Variants in SH3BGRL2 observed in about 807,000 individuals in gnomAD.
SH3BGRL2 encodes the protein SH3 domain binding glutamate rich protein like 2.
A neutral mutation model predicts 14.8 loss-of-function variants in SH3BGRL2; 21 were observed. The observed-to-expected ratio is 1.42, with a 90% confidence interval of 1.01 to 2.05. The LOEUF (loss-of-function observed/expected upper bound fraction) is 2.05. SH3BGRL2 is among the 30% of genes most tolerant of loss of function. The probability of loss-of-function intolerance (pLI) is 0.00; values close to 1 mark genes in which losing one functional copy is unlikely to be tolerated. For missense variants in SH3BGRL2, 147 were observed against 130.8 expected (o/e 1.12, Z -0.61); for synonymous variants, 50 against 47.8 (o/e 1.05, Z -0.19).
At chr6:79,667,336 TC>T (rs1161327853) in intron 1 of SH3BGRL2, among the ~76,000 whole-genome samples, 1 of 152,216 alleles carries the variant, frequency 6.6e-6, no homozygotes, top group Non-Finnish European at 1.5e-5. Context: ...CTGTGATTGG[TC>T]CAAGAGTAGG....
upstream of SH3BGRL2, among the ~76,000 whole-genome samples, chr6:79,629,018 C>A (rs1768777248): frequency 6.6e-6 from 1 of 152,148 alleles, no homozygotes; most frequent in Non-Finnish European, 1.5e-5. Context: ...ATGTATTAGG[C>A]TTTGTGGGCC....
At chr6:79,614,871 G>A in the SH3BGRL2 span, among the ~76,000 whole-genome samples, 2 of 152,182 alleles carry the variant, frequency 1.3e-5, no homozygotes, top group Non-Finnish European at 2.9e-5. Context: ...ACACAGAGAA[G>A]AGGAGGGCCA....
the SH3BGRL2 span, among the ~76,000 whole-genome samples, chr6:79,581,366 T>C: frequency 2.0e-3 from 304 of 152,276 alleles, no homozygotes; most frequent in African/African-American, 7.1e-3. Context: ...ATATCCCTGA[T>C]GAACATCAAT....
the SH3BGRL2 span, among the ~76,000 whole-genome samples, chr6:79,586,088 C>T: frequency 2.0e-5 from 3 of 151,262 alleles, no homozygotes; most frequent in East Asian, 1.9e-4. Flanking sequence ...CCCAGCTACT[C>T]GGGAGGCTGA....
At chr6:79,610,609 A>G in the SH3BGRL2 span, among the ~76,000 whole-genome samples, 1 of 152,228 alleles carries the variant, frequency 6.6e-6, no homozygotes, top group African/African-American at 2.4e-5. Context: ...TGAGGATCAA[A>G]TCAAAAGGCT....
intron 2 of SH3BGRL2, among the ~76,000 whole-genome samples, chr6:79,692,182 C>T (rs1311549286): frequency 2.0e-4 from 31 of 152,248 alleles, no homozygotes; most frequent in East Asian, 5.8e-4. Flanking sequence ...TTATATCCTT[C>T]GCCCACTTTT....
At chr6:79,575,127 A>C in the SH3BGRL2 span, 1 of 152,352 alleles carries the variant, frequency 6.6e-6, no homozygotes, top group African/African-American at 2.4e-5. Context: ...ATAACAAAGA[A>C]CTACAGCCAT....
At chr6:79,603,938 G>A in the SH3BGRL2 span, among the ~76,000 whole-genome samples, 4 of 152,178 alleles carry the variant, frequency 2.6e-5, no homozygotes, top group South Asian at 6.2e-4. Context: ...CCAAGCAGCT[G>A]GGATTACAGG....
the SH3BGRL2 span, among the ~76,000 whole-genome samples, chr6:79,565,242 C>G: frequency 6.6e-6 from 1 of 152,114 alleles, no homozygotes; most frequent in Non-Finnish European, 1.5e-5. Context: ...AGAAAATTCC[C>G]TTCTTTTCAG....
the SH3BGRL2 span, among the ~76,000 whole-genome samples, chr6:79,620,058 A>G: frequency 2.0e-5 from 3 of 151,964 alleles, no homozygotes; most frequent in Non-Finnish European, 4.4e-5. Context: ...TTCCTTGCTC[A>G]TCTCCAAAGG....
At chr6:79,550,938 T>C in the SH3BGRL2 span, among the ~76,000 whole-genome samples, 2 of 152,200 alleles carry the variant, frequency 1.3e-5, no homozygotes. Flanking sequence ...CCAGGAAAAC[T>C]ATATTTTCTC....
chr6:79,630,895 G>A (rs1420304439), upstream of SH3BGRL2, among the ~76,000 whole-genome samples: 1 of 152,018 alleles, frequency 6.6e-6, no homozygotes, highest in Non-Finnish European at 1.5e-5. Flanking sequence ...CGCCGATCCC[G>A]CCTGCTTCAG....
At chr6:79,640,104 A>C (rs1402282009) in intron 1 of SH3BGRL2, among the ~76,000 whole-genome samples, 1 of 151,988 alleles carries the variant, frequency 6.6e-6, no homozygotes, top group Non-Finnish European at 1.5e-5. Context: ...GCCATGTGTT[A>C]GTTTTTGGGG....
the SH3BGRL2 span, among the ~76,000 whole-genome samples, chr6:79,545,049 A>T: frequency 4.0e-4 from 61 of 152,302 alleles, 1 homozygote; most frequent in Admixed American, 2.1e-3. Flanking sequence ...TCTGGCTAGG[A>T]AGGGTATTGA....
chr6:79,598,767 T>TATACAAA, the SH3BGRL2 span, among the ~76,000 whole-genome samples: 1 of 152,076 alleles, frequency 6.6e-6, no homozygotes, highest in African/African-American at 2.4e-5. Context: ...TTAATGAAGT[T>TATACAAA]ATAAAAAATA....
intron 2 of SH3BGRL2, among the ~76,000 whole-genome samples, chr6:79,689,972 G>T (rs1179221928): frequency 6.6e-6 from 1 of 151,954 alleles, no homozygotes; most frequent in African/African-American, 2.4e-5. Flanking sequence ...ACTGACATTA[G>T]AGTTGTTTGT....
the SH3BGRL2 span, among the ~76,000 whole-genome samples, chr6:79,608,950 T>C: frequency 1.3e-4 from 20 of 152,328 alleles, no homozygotes; most frequent in Non-Finnish European, 2.4e-4. Context: ...ATACTAACAA[T>C]GTGGCAAAAC....
intron 2 of SH3BGRL2, among the ~76,000 whole-genome samples, chr6:79,679,367 G>A (rs1472705326): frequency 2.0e-5 from 3 of 150,276 alleles, no homozygotes; most frequent in African/African-American, 7.4e-5. Flanking sequence ...GATTAGTAAT[G>A]ATGAACATTT....
intron 1 of SH3BGRL2, among the ~76,000 whole-genome samples, chr6:79,654,155 A>G (rs1013376803): frequency 6.6e-6 from 1 of 152,190 alleles, no homozygotes; most frequent in Non-Finnish European, 1.5e-5. Flanking sequence ...GAATACTCCA[A>G]ATCAATTGCC....
Sources: allele counts gnomAD v4.1 joint callset (sites outside exome capture counted in the v4.1 genomes callset), GRCh38; gene constraint gnomAD v4.1.1; transcripts MANE v1.5; gene names NCBI Gene and HGNC (gene_info 2026-07-23, HGNC 2026-07-21).